Variants in RPAP3 observed in about 807,000 individuals in gnomAD.
RPAP3 encodes the protein RNA polymerase II-associated protein 3.
Under a neutral mutation model 88.8 loss-of-function variants are expected in RPAP3, and 58 were observed. The observed-to-expected ratio is 0.65, with a 90% CI of 0.53 to 0.81. The LOEUF is 0.81. Ranked by LOEUF, RPAP3 falls within the 40% of genes least tolerant of loss-of-function variation. The probability of loss-of-function intolerance (pLI) is 0.00; values close to 1 mark genes in which losing one functional copy is unlikely to be tolerated. For synonymous variants in RPAP3, 255 were observed against 259.9 expected (o/e 0.98, Z 0.18); for missense variants, 751 against 764.3 (o/e 0.98, Z 0.20).
intron 10 of RPAP3, among the ~76,000 whole-genome samples, chr12:47,680,967 AC>A (rs1939211344): frequency 6.7e-6 from 1 of 150,216 alleles, no homozygotes; most frequent in African/African-American, 2.5e-5. Flanking sequence ...AAACAAAAAA[AC>A]GAAACAAAAA....
chr12:47,703,286 A>C (rs183498440), intron 1 of RPAP3, among the ~76,000 whole-genome samples: 123 of 152,382 alleles, frequency 8.1e-4, no homozygotes, highest in Middle Eastern at 3.4e-3. Flanking sequence ...AAAAAAATAT[A>C]TAAAGCACTA....
intron 5 of RPAP3, among the ~76,000 whole-genome samples, chr12:47,695,304 G>C (rs1939502802): frequency 6.6e-6 from 1 of 151,866 alleles, no homozygotes; most frequent in Non-Finnish European, 1.5e-5. Context: ...ATAATAAATA[G>C]GTGAGCCACA....
intron 5 of RPAP3, among the ~76,000 whole-genome samples, chr12:47,691,744 CTTTTT>C (rs573419183): frequency 4.7e-5 from 7 of 148,190 alleles, no homozygotes; most frequent in African/African-American, 1.7e-4. Flanking sequence ...GAAATAAATC[CTTTTT>C]TTTTTCTTTT....
rs1045614483 is a variant in RPAP3, at chr12:47,663,779, T to C, written c.1913-189A>G. Among the ~76,000 whole-genome samples, 4 of 152,216 alleles carry C rather than the reference T, an allele frequency of 2.6e-5. No homozygotes were observed. In the South Asian group the frequency reaches 8.3e-4, roughly 32 times the overall value. The stretch of plus-strand genomic sequence containing the variant: ...ACAAAATTATATAGCAATCCAACAA[T>C]GGTTCTTTCAGGAATATTTTGCTTT... On this transcript the variant is annotated intron_variant, in intron 16 of 16. Coordinates refer to ENST00000005386, the MANE Select transcript of RPAP3 (RefSeq NM_024604.3).
In RPAP3 at chr12:47,696,367, C is replaced by T. The variant is rs947556681; in HGVS notation, c.454G>A (p.Ala152Thr). 1.3e-6 allele frequency: 2 copies of T among 1,594,642 alleles called. No homozygotes were observed. The highest frequency in any genetic ancestry group is 8.6e-7 in the Non-Finnish European group (1 of 1,168,976). The change falls in exon 5 of 17, where the codon GCA becomes ACA. Residue 152 changes from alanine (A) to threonine (T), a missense_variant. Physicochemically the swap from Ala to Thr is moderately conservative, Grantham distance 58. Transcript: ENST00000005386. ...ATGCCTTTTGTGTAGCAGTCAATTG[C>T]TTCATCATATTTTCCTTGTTTGAAG... ...KYFKQGKYDE[A>T]IDCYTKGMDA... is the part of the protein sequence containing the mutation.
chr12:47,687,026 G>T, intron 8 of RPAP3, 119 bp from the exon 9 acceptor site: 1 of 626,990 alleles, frequency 1.6e-6, no homozygotes. Flanking sequence ...AAAGAATATT[G>T]TTAAAAATCT....
Position 47,701,459 on chromosome 12 carries a change from C to G in RPAP3, c.294+5G>C, listed in dbSNP as rs1292682918. On this transcript the variant is annotated splice_donor_5th_base_variant and intron_variant, in intron 3 of 16. Transcript: ENST00000005386. The stretch of plus-strand genomic sequence containing the variant: ...ATTAAGAAGCAAATGACTAGATTAA[C>G]TTACCACATCAAGTTTTGCCCATGC... The G allele has an allele frequency of 4.5e-6, 7 of 1,553,192 alleles. No homozygotes were observed. The African/African-American group carries it at 7.0e-5, about 15-fold the overall frequency.
chr12:47,704,102 A>G (rs926272256), intron 1 of RPAP3, among the ~76,000 whole-genome samples: 12 of 152,228 alleles, frequency 7.9e-5, no homozygotes, highest in Admixed American at 7.8e-4. Context: ...TCACTAGCAG[A>G]AAGGTAGAAG....
intron 16 of RPAP3, among the ~76,000 whole-genome samples, chr12:47,666,426 T>C (rs1426797232): frequency 6.6e-6 from 1 of 152,210 alleles, no homozygotes; most frequent in Non-Finnish European, 1.5e-5. Context: ...AGTCTAAAAC[T>C]CTCTTGCCCA....
At chr12:47,688,515 T>A (rs897164615) in intron 7 of RPAP3, among the ~76,000 whole-genome samples, 1 of 152,186 alleles carries the variant, frequency 6.6e-6, no homozygotes, top group African/African-American at 2.4e-5. Context: ...AATAAATAAA[T>A]AAGTAGCATC....
At position 47,683,250 on chromosome 12, in the gene RPAP3, T is replaced by A. The variant is rs1939260270; in HGVS notation, c.993-1433A>T. Reference sequence around the variant, plus strand: ...ATAGCACGTGTCCTTCATAGCGCTATCTTAGCGTATTTTCACAAATATTGG... The same window carrying A: ...ATAGCACGTGTCCTTCATAGCGCTAACTTAGCGTATTTTCACAAATATTGG... On this transcript the variant is annotated intron_variant, in intron 9 of 16. Coordinates refer to ENST00000005386, the MANE Select transcript of RPAP3 (RefSeq NM_024604.3). Among the ~76,000 whole-genome samples, 4 of 152,212 alleles carry A rather than the reference T, an allele frequency of 2.6e-5. No individual in the cohort carries two copies. The South Asian group carries it at 8.3e-4, about 32-fold the overall frequency.
rs1939356305 is a variant in RPAP3 at position 47,687,929 on chromosome 12, T to C, written c.811A>G (p.Lys271Glu). The C allele has an allele frequency of 1.9e-6, 3 of 1,613,618 alleles. No homozygotes were observed. The highest frequency in any genetic ancestry group is 1.7e-5 in the Admixed American group (1 of 59,976). Residue 271 changes from lysine to glutamate, a missense_variant, in exon 8 of 17, where the codon AAG becomes GAG. By Grantham distance (56) the Lys-to-Glu change is moderately conservative. Coordinates refer to ENST00000005386, the MANE Select transcript of RPAP3 (RefSeq NM_024604.3). ...IVIKSTEGERKQIEAQQNKQQ... is the reference protein window; with the variant it reads ...IVIKSTEGEREQIEAQQNKQQ... The stretch of plus-strand genomic sequence containing the variant: ...TTATTCTGTTGTGCTTCAATTTGCT[T>C]TCGCTCTCCTTCTGTTGACTTAATC...
chr12:47,665,933 A>T (rs1281426672), intron 16 of RPAP3, among the ~76,000 whole-genome samples: 2 of 152,204 alleles, frequency 1.3e-5, no homozygotes, highest in African/African-American at 2.4e-5. Context: ...TGGCCTAAAA[A>T]ATATATATAT....
At chr12:47,676,537 A>G (rs753649291) in intron 12 of RPAP3, among the ~76,000 whole-genome samples, 7 of 152,240 alleles carry the variant, frequency 4.6e-5, no homozygotes, top group Non-Finnish European at 8.8e-5. Flanking sequence ...AGAATCAAAT[A>G]TACACAATAC....
At position 47,679,500 on chromosome 12, in the gene RPAP3, C is replaced by G. The variant is rs144528022; in HGVS notation, c.1280G>C (p.Gly427Ala). The change falls in exon 12 of 17, where the codon GGA (glycine) becomes GCA (alanine). Residue 427 changes from glycine (G) to alanine (A), a missense_variant. Physicochemically the swap from Gly to Ala is moderately conservative, Grantham distance 60 (BLOSUM62 0). Coordinates refer to ENST00000005386, the MANE Select transcript of RPAP3 (RefSeq NM_024604.3). The stretch of plus-strand genomic sequence containing the variant: ...TGAAAGTGCTTTACTTACAGTTGAT[C>G]CAGGATGCGGTGGATTATCAATGGG... ...VKPIDNPPHP[G>A]STKPLKKVII... 3.1e-6 allele frequency: 5 copies of G among 1,593,278 alleles called. No homozygotes were observed. The highest frequency in any genetic ancestry group is 4.3e-6 in the Non-Finnish European group (5 of 1,166,034).
At chr12:47,664,205 C>T (rs191416560) in intron 16 of RPAP3, among the ~76,000 whole-genome samples, 4 of 152,132 alleles carry the variant, frequency 2.6e-5, no homozygotes, top group African/African-American at 7.2e-5. Flanking sequence ...CTGGCTAACA[C>T]GGTGAAACCC....
intron 6 of RPAP3, among the ~76,000 whole-genome samples, chr12:47,690,041 CAAA>C (rs573336232): frequency 1.8e-5 from 1 of 56,632 alleles, no homozygotes. Context: ...GACTCTGTCT[CAAA>C]AAAAAAAAAA....
chr12:47,698,185 A>T (rs1193264198), intron 3 of RPAP3, among the ~76,000 whole-genome samples: 1 of 152,236 alleles, frequency 6.6e-6, no homozygotes, highest in African/African-American at 2.4e-5. Context: ...AATCTTCACA[A>T]TAACCTATGA....
chr12:47,665,684 A>G (rs1592465833), intron 16 of RPAP3, among the ~76,000 whole-genome samples: 1 of 152,016 alleles, frequency 6.6e-6, no homozygotes, highest in East Asian at 1.9e-4. Flanking sequence ...TCTGTTGCCT[A>G]GGTTGGAACG....
Sources: allele counts gnomAD v4.1 joint callset (sites outside exome capture counted in the v4.1 genomes callset), GRCh38; gene constraint gnomAD v4.1.1; transcripts MANE v1.5; gene names NCBI Gene and HGNC (gene_info 2026-07-23, HGNC 2026-07-21).